The following DNAJC10 variants were observed in gnomAD, a reference collection of about 807,000 sequenced individuals.
DNAJC10 encodes DnaJ heat shock protein family (Hsp40) member C10.
A neutral mutation model predicts 115.0 loss-of-function variants in DNAJC10; 101 were observed. The ratio of observed to expected loss-of-function variants is 0.88; its 90% CI spans 0.75 to 1.04. DNAJC10 has a LOEUF of 1.04. Ranked by LOEUF, DNAJC10 falls within the 50% of genes least tolerant of loss-of-function variation. DNAJC10 has a pLI of 0.00. For synonymous variants in DNAJC10, 307 were observed against 301.5 expected, an observed-to-expected ratio of 1.02 and a Z score of -0.19; for missense variants, 981 against 928.8, an observed-to-expected ratio of 1.06 and a Z score of -0.73.
chr2:182,733,216 CATT>C lies in DNAJC10; in HGVS notation c.849+677_849+679del, dbSNP rs369687363. The stretch of plus-strand genomic sequence containing the variant: ...TCAGTTCTTCCTTTACATATTTTGA[CATT>C]ATATTGTTGGCAGCAGTATGATCAT... On this transcript the variant is annotated intron_variant, in intron 10 of 23. Coordinates refer to ENST00000264065, the MANE Select transcript of DNAJC10 (RefSeq NM_018981.4). Among the ~76,000 whole-genome samples, 502 of 151,958 alleles carry C rather than the reference CATT, an allele frequency of 3.3e-3. 1 individual carries two copies. Among genetic ancestry groups the C allele is most frequent in the African/African-American group, 0.011 (465 of 41,512 alleles).
At chr2:182,737,960 A>G (rs1335404526) in intron 11 of DNAJC10, among the ~76,000 whole-genome samples, 1 of 152,250 alleles carries the variant, frequency 6.6e-6, no homozygotes, top group Non-Finnish European at 1.5e-5. Flanking sequence ...ATGGGATTGC[A>G]TAGTAGATTC....
intron 11 of DNAJC10, among the ~76,000 whole-genome samples, chr2:182,738,762 G>C (rs1247797639): frequency 1.3e-5 from 2 of 152,052 alleles, no homozygotes; most frequent in Non-Finnish European, 2.9e-5. Flanking sequence ...GGATGGTCTC[G>C]ATCTCCTGAC....
rs1326425391 is a variant in DNAJC10 at position 182,762,808 on chromosome 2, C to G, written c.2265+7C>G. On this transcript the variant is annotated splice_region_variant and intron_variant, in intron 22 of 23. Coordinates refer to ENST00000264065, the MANE Select transcript of DNAJC10 (RefSeq NM_018981.4). Reference sequence around the variant, plus strand: ...TTTCTACGAAAGAGCAAAGGTATGTCCAGACTTTCCTCTGTTCCTTCCCTT... The same window carrying G: ...TTTCTACGAAAGAGCAAAGGTATGTGCAGACTTTCCTCTGTTCCTTCCCTT... 6.2e-7 allele frequency: 1 copy of G among 1,610,320 alleles called. No individual in the cohort carries two copies.
At chr2:182,718,981 C>T (rs1324877440) in intron 3 of DNAJC10, among the ~76,000 whole-genome samples, 1 of 152,014 alleles carries the variant, frequency 6.6e-6, no homozygotes, top group African/African-American at 2.4e-5. Context: ...GGATTATTTT[C>T]ATTGCATAAA....
intron 22 of DNAJC10, among the ~76,000 whole-genome samples, chr2:182,763,559 C>T: frequency 6.6e-6 from 1 of 152,110 alleles, no homozygotes; most frequent in Non-Finnish European, 1.5e-5. Context: ...AGCACTCAAA[C>T]TGCATTCTCA....
intron 18 of DNAJC10, among the ~76,000 whole-genome samples, chr2:182,756,943 C>T (rs372249586): frequency 6.6e-6 from 1 of 152,136 alleles, no homozygotes; most frequent in Admixed American, 6.6e-5. Flanking sequence ...CCAGTATATC[C>T]AGTACTTTTG....
intron 22 of DNAJC10, among the ~76,000 whole-genome samples, chr2:182,765,553 C>T (rs955789925): frequency 2.0e-5 from 3 of 152,110 alleles, no homozygotes; most frequent in Non-Finnish European, 2.9e-5. Context: ...CGATTCCATG[C>T]GGTTGCGAGG....
chr2:182,757,108 AT>A (rs1417248239), intron 18 of DNAJC10, among the ~76,000 whole-genome samples: 1 of 152,202 alleles, frequency 6.6e-6, no homozygotes, highest in African/African-American at 2.4e-5. Flanking sequence ...CAGCATGTGT[AT>A]TTAGAAAATT....
In DNAJC10 at chr2:182,774,274, A is replaced by G. The variant is rs116372842; in HGVS notation, c.2266-1042A>G. The stretch of plus-strand genomic sequence containing the variant: ...GAGGTGTCTGTCGGCCCCTACTGGA[A>G]GGTGTCTCCCAGTCGGGCTACATGG... On this transcript the variant is annotated intron_variant, in intron 22 of 23. Coordinates refer to ENST00000264065, the MANE Select transcript of DNAJC10 (RefSeq NM_018981.4). Among the ~76,000 whole-genome samples, 580 of 152,320 alleles carry G rather than the reference A, an allele frequency of 3.8e-3. 4 individuals are homozygous for G. Among genetic ancestry groups the G allele is most frequent in the Non-Finnish European group, 7.0e-3 (475 of 68,028 alleles).
chr2:182,737,700 C>T (rs1226338429), intron 11 of DNAJC10, among the ~76,000 whole-genome samples: 2 of 152,160 alleles, frequency 1.3e-5, no homozygotes, highest in Non-Finnish European at 2.9e-5. Context: ...TAGTCAGTGT[C>T]TCAAATTTAA....
chr2:182,752,376 G>A (rs1018676263), intron 16 of DNAJC10, among the ~76,000 whole-genome samples, 188 bp downstream of exon 16: 21 of 152,058 alleles, frequency 1.4e-4, no homozygotes, highest in Non-Finnish European at 2.8e-4. Context: ...ACCATGCATA[G>A]CTAATCAATG....
In DNAJC10 at chr2:182,775,432, G is replaced by A. The variant is rs1351216433; in HGVS notation, c.2370+12G>A. On this transcript the variant is annotated intron_variant, in intron 23 of 23. Transcript: ENST00000264065. Reference sequence around the variant, plus strand: ...GCAAGAGGAATAAGGTATGGACTAAGCCTAGAGTTGACTTTGGCAAAAGTT... The same window carrying A: ...GCAAGAGGAATAAGGTATGGACTAAACCTAGAGTTGACTTTGGCAAAAGTT... 12 of 1,577,898 alleles carry A rather than the reference G, an allele frequency of 7.6e-6. No homozygotes were observed. The highest frequency in any genetic ancestry group is 1.0e-5 in the Non-Finnish European group (12 of 1,153,564).
At chr2:182,738,218 A>G (rs1230323266) in intron 11 of DNAJC10, among the ~76,000 whole-genome samples, 1 of 152,096 alleles carries the variant, frequency 6.6e-6, no homozygotes. Context: ...GCAATCTTGT[A>G]TCTTTATCCT....
chr2:182,752,589 T>C (rs971672392), intron 16 of DNAJC10: 2 of 940,258 alleles, frequency 2.1e-6, no homozygotes, highest in Non-Finnish European at 2.5e-6. Flanking sequence ...AACAAGCCTT[T>C]TGAAATCTTT....
intron 22 of DNAJC10, among the ~76,000 whole-genome samples, chr2:182,769,170 G>T (rs545356927): frequency 6.6e-6 from 1 of 152,162 alleles, no homozygotes; most frequent in Non-Finnish European, 1.5e-5. Flanking sequence ...CTTTTTTATG[G>T]CTGCATAGTA....
rs933807248 is a variant in DNAJC10 at position 182,783,433 on chromosome 2, C to T, written c.*6301C>T. 4.6e-5 allele frequency: 7 copies of T among 152,014 alleles called. No homozygotes were observed. The highest frequency in any genetic ancestry group is 1.7e-4 in the African/African-American group (7 of 41,394). The allele number at this position is 152,014 out of a possible 1,614,324, so 9.4% of individuals were successfully genotyped here. On this transcript the variant is annotated 3_prime_UTR_variant, in exon 24 of 24. Transcript: ENST00000264065. Reference sequence around the variant, plus strand: ...CGTTAAGGCAAAAAATACATATACACACACAAAAAAAATATTTCAGCAGCC... The same window carrying T: ...CGTTAAGGCAAAAAATACATATACATACACAAAAAAAATATTTCAGCAGCC...
intron 22 of DNAJC10, among the ~76,000 whole-genome samples, chr2:182,765,388 A>G (rs989111103): frequency 3.3e-5 from 5 of 152,188 alleles, no homozygotes; most frequent in African/African-American, 1.2e-4. Context: ...ACCATGTAAT[A>G]ACATTAAAAA....
At chr2:182,738,779 A>G (rs940662861) in intron 11 of DNAJC10, among the ~76,000 whole-genome samples, 2 of 152,096 alleles carry the variant, frequency 1.3e-5, no homozygotes, top group Non-Finnish European at 2.9e-5. Flanking sequence ...TGACCTTGTG[A>G]TCTGCCGGCC....
At chr2:182,723,806 A>C (rs977618328) in intron 5 of DNAJC10, among the ~76,000 whole-genome samples, 1 of 152,232 alleles carries the variant, frequency 6.6e-6, no homozygotes, top group Admixed American at 6.5e-5. Flanking sequence ...CACTATGCAG[A>C]AAAGCTTAAG....
Sources: gnomAD v4.1 joint callset for allele counts (sites outside exome capture counted in the v4.1 genomes callset) on GRCh38, gnomAD v4.1.1 for gene constraint, MANE v1.5 for transcripts, NCBI Gene and HGNC (gene_info 2026-07-23, HGNC 2026-07-21) for gene names.